CSGALNACT1: variants seen among roughly 807,000 people sequenced by gnomAD.
The protein encoded by CSGALNACT1 is chondroitin sulfate N-acetylgalactosaminyltransferase 1, also known as beta4GalNAcT-1.
Under a neutral mutation model 51.0 loss-of-function variants are expected in CSGALNACT1, and 52 were observed. The ratio of observed to expected loss-of-function variants is 1.02; its 90% CI spans 0.82 to 1.29. The LOEUF is 1.29. Ranked by LOEUF, CSGALNACT1 falls within the 50% of genes most tolerant of loss-of-function variation. The pLI, the probability that CSGALNACT1 is intolerant of heterozygous loss-of-function variation, is 0.00. For missense variants in CSGALNACT1, 935 were observed against 679.2 expected (o/e 1.38, Z -4.19); for synonymous variants, 341 against 254.4 (o/e 1.34, Z -3.24).
At chr8:19,529,523 C>A (rs376481053) in intron 3 of CSGALNACT1, among the ~76,000 whole-genome samples, 7 of 152,316 alleles carry the variant, frequency 4.6e-5, no homozygotes, top group African/African-American at 1.7e-4. Flanking sequence ...ACATTTCATT[C>A]ATCATTACTG....
intron 1 of CSGALNACT1, among the ~76,000 whole-genome samples, chr8:19,652,785 A>T (rs76885307): frequency 6.6e-6 from 1 of 152,156 alleles, no homozygotes; most frequent in Non-Finnish European, 1.5e-5. Flanking sequence ...AAATCAATAG[A>T]TATTTCTCTG....
intron 1 of CSGALNACT1, among the ~76,000 whole-genome samples, chr8:19,610,774 G>C (rs931908210): frequency 6.6e-6 from 1 of 152,218 alleles, no homozygotes; most frequent in African/African-American, 2.4e-5. Context: ...CATGTGATCT[G>C]ATTCTTCCTG....
intron 3 of CSGALNACT1, among the ~76,000 whole-genome samples, chr8:19,587,470 A>G (rs116576558): frequency 6.6e-6 from 1 of 152,122 alleles, no homozygotes; most frequent in African/African-American, 2.4e-5. Flanking sequence ...GGGGCTCCAA[A>G]CATCTCAATC....
chr8:19,703,512 C>A (rs1172549390), intron 1 of CSGALNACT1, among the ~76,000 whole-genome samples: 1 of 152,124 alleles, frequency 6.6e-6, no homozygotes, highest in South Asian at 2.1e-4. Flanking sequence ...ACCATGTTAG[C>A]CAGGATGGTC....
intron 3 of CSGALNACT1, among the ~76,000 whole-genome samples, chr8:19,550,757 C>A (rs552669448): frequency 6.6e-6 from 1 of 152,248 alleles, no homozygotes; most frequent in East Asian, 1.9e-4. Flanking sequence ...AGATGTGAAT[C>A]CTCTAATCCT....
chr8:19,594,844 A>G (rs1389530303), intron 2 of CSGALNACT1, among the ~76,000 whole-genome samples: 2 of 151,832 alleles, frequency 1.3e-5, no homozygotes, highest in South Asian at 2.1e-4. Flanking sequence ...GAGCCACCAC[A>G]CCCGGACTTT....
At chr8:19,586,274 G>A (rs182610052) in intron 3 of CSGALNACT1, among the ~76,000 whole-genome samples, 8 of 152,088 alleles carry the variant, frequency 5.3e-5, no homozygotes, top group Non-Finnish European at 1.0e-4. Flanking sequence ...CAGAAGAGTC[G>A]CTTGAACCTG....
intron 2 of CSGALNACT1, among the ~76,000 whole-genome samples, chr8:19,599,733 C>T (rs746625467): frequency 6.6e-6 from 1 of 152,190 alleles, no homozygotes; most frequent in Non-Finnish European, 1.5e-5. Flanking sequence ...ACTTGGGGAA[C>T]CTGGGAAGCC....
At chr8:19,604,336 C>T (rs928109046), upstream of CSGALNACT1, among the ~76,000 whole-genome samples, 1 of 152,214 alleles carries the variant, frequency 6.6e-6, no homozygotes, top group Non-Finnish European at 1.5e-5. Context: ...ATCAACAGCA[C>T]ATCCATAATG....
exon 4 of CSGALNACT1, chr8:19,505,956 C>G (rs1455932858): frequency 2.7e-6 from 3 of 1,116,600 alleles, no homozygotes; most frequent in Non-Finnish European, 4.0e-6. Flanking sequence ...CTGCTTGCAT[C>G]CATTTCCTTC....
chr8:19,426,304 C>G (rs2058765215), intron 6 of CSGALNACT1, among the ~76,000 whole-genome samples: 1 of 152,194 alleles, frequency 6.6e-6, no homozygotes, highest in Admixed American at 6.5e-5. Context: ...CCACCTCCAA[C>G]ATCAGAAAGA....
intron 4 of CSGALNACT1, among the ~76,000 whole-genome samples, chr8:19,467,855 A>G (rs550758096): frequency 6.6e-6 from 1 of 152,254 alleles, no homozygotes; most frequent in South Asian, 2.1e-4. Context: ...GCATGGTTGT[A>G]TGCCCCTGTA....
At chr8:19,686,949 T>G (rs1445761734), upstream of CSGALNACT1, among the ~76,000 whole-genome samples, 1 of 152,214 alleles carries the variant, frequency 6.6e-6, no homozygotes, top group East Asian at 1.9e-4. Flanking sequence ...CTCTCAGCCT[T>G]GGCACAGAGC....
intron 1 of CSGALNACT1, among the ~76,000 whole-genome samples, chr8:19,736,197 C>T (rs1442677860): frequency 1.3e-5 from 2 of 152,134 alleles, no homozygotes; most frequent in East Asian, 3.9e-4. Flanking sequence ...ATTCAAATTT[C>T]CTTAGCAGGG....
At position 19,433,159 on chromosome 8, in the gene CSGALNACT1, C is replaced by G. The variant is rs1216584926; in HGVS notation, c.953+6671G>C. 2.0e-5 allele frequency among the ~76,000 whole-genome samples: 3 copies of G among 152,170 alleles called. No homozygotes were observed. In the East Asian group the frequency reaches 5.8e-4, roughly 29 times the overall value. On this transcript the variant is annotated intron_variant, in intron 6 of 9. Coordinates refer to ENST00000454498, the Ensembl canonical transcript of CSGALNACT1. ...CTTTATTGTGCGACCACTTAATGGTCAGCTAATGAGTGGACAACATTTTCC... is the reference window on the plus strand; with the variant it reads ...CTTTATTGTGCGACCACTTAATGGTGAGCTAATGAGTGGACAACATTTTCC...
intron 1 of CSGALNACT1, among the ~76,000 whole-genome samples, chr8:19,662,058 G>GCCCCCAC (rs2058785366): frequency 8.8e-5 from 3 of 33,948 alleles, no homozygotes; most frequent in African/African-American, 3.1e-4. Flanking sequence ...TATTACAGTT[G>GCCCCCAC]CCCCCACCCC....
chr8:19,441,040 T>G (rs1206705040), intron 5 of CSGALNACT1, among the ~76,000 whole-genome samples: 1 of 152,120 alleles, frequency 6.6e-6, no homozygotes, highest in Non-Finnish European at 1.5e-5. Flanking sequence ...CAAGGAGAAC[T>G]ACAAACCACT....
chr8:19,751,574 A>T (rs2065028661), intron 1 of CSGALNACT1, among the ~76,000 whole-genome samples: 1 of 152,210 alleles, frequency 6.6e-6, no homozygotes, highest in African/African-American at 2.4e-5. Flanking sequence ...TAATATTAAT[A>T]ACAACCAACA....
At chr8:19,581,550 T>C (rs2045572425) in intron 3 of CSGALNACT1, among the ~76,000 whole-genome samples, 1 of 152,144 alleles carries the variant, frequency 6.6e-6, no homozygotes, top group Admixed American at 6.5e-5. Context: ...GAGGTTGCAG[T>C]GAGCCGAGAT....
Sources: gnomAD v4.1 joint callset for allele counts (sites outside exome capture counted in the v4.1 genomes callset) on GRCh38, gnomAD v4.1.1 for gene constraint, MANE v1.5 for transcripts, NCBI Gene and HGNC (gene_info 2026-07-23, HGNC 2026-07-21) for gene names.